ENTREP2: variants seen among roughly 807,000 people sequenced by gnomAD.
ENTREP2 encodes the protein endosomal transmembrane epsin interactor 2, also known as protein ENTREP2.
the ENTREP2 span, among the ~76,000 whole-genome samples, chr15:29,185,105 A>G: frequency 6.6e-6 from 1 of 152,150 alleles, no homozygotes; most frequent in African/African-American, 2.4e-5. Flanking sequence ...GTTATTAGCT[A>G]GTTCAACATA....
chr15:29,490,008 T>G, the ENTREP2 span, among the ~76,000 whole-genome samples: 1 of 152,244 alleles, frequency 6.6e-6, no homozygotes, highest in African/African-American at 2.4e-5. Context: ...TCAATAATTC[T>G]ATTGGGTTCA....
At chr15:29,320,159 G>C in the ENTREP2 span, among the ~76,000 whole-genome samples, 2 of 152,128 alleles carry the variant, frequency 1.3e-5, no homozygotes, top group East Asian at 3.9e-4. Flanking sequence ...AGAGATACAG[G>C]CCCACTAAAA....
At chr15:29,330,298 A>T in the ENTREP2 span, among the ~76,000 whole-genome samples, 1 of 151,526 alleles carries the variant, frequency 6.6e-6, no homozygotes, top group South Asian at 2.1e-4. Context: ...AAAAAAAAAA[A>T]TTCAGCCAGG....
chr15:29,306,832 G>T, the ENTREP2 span, among the ~76,000 whole-genome samples: 1 of 151,644 alleles, frequency 6.6e-6, no homozygotes, highest in Non-Finnish European at 1.5e-5. Context: ...TGCAACTTCC[G>T]CCTACCTGGT....
chr15:29,566,619 A>C, the ENTREP2 span, among the ~76,000 whole-genome samples: 1 of 150,852 alleles, frequency 6.6e-6, no homozygotes, highest in Admixed American at 6.6e-5. Context: ...ATCACACCTG[A>C]CTATTTTTTG....
the ENTREP2 span, among the ~76,000 whole-genome samples, chr15:29,613,071 G>A: frequency 1.9e-4 from 29 of 152,158 alleles, no homozygotes; most frequent in African/African-American, 7.0e-4. Flanking sequence ...GGCAGGAAGA[G>A]ATAATTGTCC....
the ENTREP2 span, among the ~76,000 whole-genome samples, chr15:29,223,925 C>G: frequency 6.6e-6 from 1 of 152,162 alleles, no homozygotes; most frequent in South Asian, 2.1e-4. Flanking sequence ...GAAGCTTGCC[C>G]GCCCCCAGCT....
the ENTREP2 span, among the ~76,000 whole-genome samples, chr15:29,657,422 G>A: frequency 2.1e-3 from 283 of 132,572 alleles, no homozygotes; most frequent in African/African-American, 7.5e-3. Flanking sequence ...AAGAAGCAAA[G>A]GACAAAGCTT....
the ENTREP2 span, among the ~76,000 whole-genome samples, chr15:29,490,144 T>C: frequency 2.6e-5 from 4 of 152,204 alleles, no homozygotes; most frequent in African/African-American, 7.2e-5. Flanking sequence ...AATGAAGCCG[T>C]GGACCCCCGG....
the ENTREP2 span, among the ~76,000 whole-genome samples, chr15:29,484,910 T>C: frequency 6.6e-6 from 1 of 152,132 alleles, no homozygotes; most frequent in Non-Finnish European, 1.5e-5. Flanking sequence ...CGTTAACTGG[T>C]TATGAATTAG....
At chr15:29,586,294 G>A in the ENTREP2 span, among the ~76,000 whole-genome samples, 1 of 152,284 alleles carries the variant, frequency 6.6e-6, no homozygotes, top group Non-Finnish European at 1.5e-5. Flanking sequence ...ATTAATGGCT[G>A]TCAGGGCTGG....
the ENTREP2 span, among the ~76,000 whole-genome samples, chr15:29,600,439 CCATCAT>C: frequency 6.6e-4 from 93 of 141,798 alleles, no homozygotes; most frequent in South Asian, 3.1e-3. Context: ...TTCTCTCCCA[CCATCAT>C]CATCATCATC....
the ENTREP2 span, among the ~76,000 whole-genome samples, chr15:29,400,747 A>T: frequency 3.9e-5 from 6 of 152,218 alleles, no homozygotes; most frequent in African/African-American, 1.4e-4. Context: ...GTTTATGGCT[A>T]AAAAAACCCA....
At chr15:29,674,780 C>A in the ENTREP2 span, among the ~76,000 whole-genome samples, 2 of 142,706 alleles carry the variant, frequency 1.4e-5, no homozygotes, top group Non-Finnish European at 3.0e-5. Flanking sequence ...GAGGAGGGGG[C>A]GCGGAGGAAG....
At chr15:29,153,075 TCTAGA>T in the ENTREP2 span, among the ~76,000 whole-genome samples, 1 of 152,238 alleles carries the variant, frequency 6.6e-6, no homozygotes, top group Non-Finnish European at 1.5e-5. Flanking sequence ...TTATTTGCCA[TCTAGA>T]GATCCTCTTT....
the ENTREP2 span, among the ~76,000 whole-genome samples, chr15:29,330,363 C>T: frequency 1.3e-5 from 2 of 152,078 alleles, no homozygotes; most frequent in South Asian, 2.1e-4. Flanking sequence ...GCAGGAGAAC[C>T]GTTTGAACCC....
At chr15:29,300,044 GA>G in the ENTREP2 span, among the ~76,000 whole-genome samples, 1 of 151,648 alleles carries the variant, frequency 6.6e-6, no homozygotes. Flanking sequence ...TGGGTAGATA[GA>G]TGGATAGATG....
chr15:29,537,457 C>G, the ENTREP2 span, among the ~76,000 whole-genome samples: 114 of 152,314 alleles, frequency 7.5e-4, no homozygotes, highest in African/African-American at 2.3e-3. Flanking sequence ...CCTCCTGATT[C>G]TTCTTTTAGT....
At chr15:29,608,348 G>A in the ENTREP2 span, among the ~76,000 whole-genome samples, 1 of 151,946 alleles carries the variant, frequency 6.6e-6, no homozygotes, top group Non-Finnish European at 1.5e-5. Flanking sequence ...TTTGCTGGCT[G>A]TTTCTTTCCC....
Sources: allele counts gnomAD v4.1 joint callset (sites outside exome capture counted in the v4.1 genomes callset), GRCh38; gene constraint gnomAD v4.1.1; transcripts MANE v1.5; gene names NCBI Gene and HGNC (gene_info 2026-07-23, HGNC 2026-07-21).